The following SMYD3 variants were observed in gnomAD, a reference collection of about 807,000 sequenced individuals.
SMYD3 encodes SET and MYND domain containing 3.
SMYD3 carries 36 observed loss-of-function variants against 57.7 expected under a neutral mutation model. The ratio of observed to expected loss-of-function variants is 0.62; its 90% confidence interval spans 0.48 to 0.82. SMYD3 has a LOEUF of 0.82. Ranked by LOEUF, SMYD3 falls within the 40% of genes least tolerant of loss-of-function variation. The pLI, the probability that SMYD3 is intolerant of heterozygous loss-of-function variation, is 0.00. For synonymous variants in SMYD3, 211 were observed against 195.0 expected (o/e 1.08, Z -0.68); for missense variants, 515 against 538.8 (o/e 0.96, Z 0.44).
chr1:246,378,805 A>T (rs2066333927), intron 1 of SMYD3, among the ~76,000 whole-genome samples: 1 of 109,328 alleles, frequency 9.1e-6, no homozygotes, highest in South Asian at 2.3e-4. Context: ...ATTTTTATAT[A>T]TTATATATAA....
chr1:245,863,811 T>C lies in SMYD3; in HGVS notation c.889A>G (p.Lys297Glu), dbSNP rs373496834. The C allele has an allele frequency of 1.2e-6, 2 of 1,613,876 alleles. No homozygotes were observed. The highest frequency in any genetic ancestry group is 4.5e-5 in the East Asian group (2 of 44,884). Reference sequence around the variant, plus strand: ...GGCGAAAGGATACTCCAGTGTGCCTTCAGTTCTTCAATTTTTTTCAGGGAT... The same window carrying C: ...GGCGAAAGGATACTCCAGTGTGCCTCCAGTTCTTCAATTTTTTTCAGGGAT... ...QESLKKIEEL[K>E]AHWKWEQVLA... The change falls in exon 9 of 12, where the codon AAG becomes GAG. Residue 297 changes from lysine (K) to glutamate (E), a missense_variant. Lys to Glu is a moderately conservative substitution (Grantham distance 56). Coordinates refer to ENST00000490107, the MANE Select transcript of SMYD3 (RefSeq NM_001167740.2).
intron 10 of SMYD3, 91 bp downstream of exon 10, chr1:245,858,405 A>T (rs1258486473): frequency 1.5e-6 from 2 of 1,301,106 alleles, no homozygotes; most frequent in Non-Finnish European, 1.0e-6. Flanking sequence ...GCTCCATGCA[A>T]AGTAGTAATC....
intron 10 of SMYD3, among the ~76,000 whole-genome samples, chr1:245,810,547 C>T (rs1445385677): frequency 1.3e-5 from 2 of 152,204 alleles, no homozygotes; most frequent in Non-Finnish European, 2.9e-5. Context: ...GTCTCCACTG[C>T]AGCCACGGAG....
chr1:246,001,921 T>G (rs1457279867), intron 5 of SMYD3, among the ~76,000 whole-genome samples: 1 of 152,146 alleles, frequency 6.6e-6, no homozygotes, highest in Admixed American at 6.5e-5. Context: ...TTTGACAGAT[T>G]CTCCGGCCGC....
At chr1:246,106,682 G>A (rs2061128833) in intron 5 of SMYD3, among the ~76,000 whole-genome samples, 2 of 152,132 alleles carry the variant, frequency 1.3e-5, no homozygotes, top group Admixed American at 1.3e-4. Flanking sequence ...GGTTTTCACA[G>A]CACAACTGCC....
intron 10 of SMYD3, among the ~76,000 whole-genome samples, chr1:245,837,965 C>G (rs2050183825): frequency 6.6e-6 from 1 of 152,200 alleles, no homozygotes; most frequent in South Asian, 2.1e-4. Flanking sequence ...CTCTGCAGGG[C>G]AGACATTGAT....
intron 5 of SMYD3, among the ~76,000 whole-genome samples, chr1:245,984,714 T>A (rs895105634): frequency 6.6e-6 from 1 of 152,236 alleles, no homozygotes; most frequent in Non-Finnish European, 1.5e-5. Flanking sequence ...CTGATTATCC[T>A]CTCATCCTAC....
At chr1:245,877,397 G>A (rs2052546019) in intron 8 of SMYD3, among the ~76,000 whole-genome samples, 1 of 152,198 alleles carries the variant, frequency 6.6e-6, no homozygotes, top group Non-Finnish European at 1.5e-5. Flanking sequence ...ATCCTGCATG[G>A]GCAACATGGA....
intron 5 of SMYD3, among the ~76,000 whole-genome samples, chr1:245,962,795 G>C (rs1164373944): frequency 8.0e-6 from 1 of 125,760 alleles, no homozygotes; most frequent in Non-Finnish European, 1.8e-5. Flanking sequence ...CATGTTAATA[G>C]CTTTCACGGG....
intron 1 of SMYD3, among the ~76,000 whole-genome samples, chr1:246,391,222 A>G (rs763173068): frequency 4.7e-5 from 5 of 106,912 alleles, no homozygotes; most frequent in Non-Finnish European, 1.8e-5. Flanking sequence ...TCTATATCTG[A>G]AAAAAAAAAA....
At chr1:246,489,610 ACAT>A (rs1478892351) in intron 1 of SMYD3, among the ~76,000 whole-genome samples, 1 of 152,202 alleles carries the variant, frequency 6.6e-6, no homozygotes, top group African/African-American at 2.4e-5. Context: ...ACATTCTAAA[ACAT>A]CATTAAAAAC....
intron 5 of SMYD3, among the ~76,000 whole-genome samples, chr1:246,048,698 G>A (rs1358780267): frequency 2.0e-5 from 3 of 151,646 alleles, no homozygotes; most frequent in East Asian, 1.9e-4. Context: ...CTCTGGACCC[G>A]TTTCCTCATC....
intron 5 of SMYD3, among the ~76,000 whole-genome samples, chr1:245,963,112 TAAC>T (rs777235266): frequency 1.3e-5 from 2 of 152,196 alleles, no homozygotes; most frequent in East Asian, 1.9e-4. Context: ...CATTCCATCC[TAAC>T]AACAAGTAAA....
chr1:246,183,484 GC>G lies in SMYD3; in HGVS notation c.531+143716del, dbSNP rs1229289064. On this transcript the variant is annotated intron_variant, in intron 5 of 11. Coordinates refer to ENST00000490107, the MANE Select transcript of SMYD3 (RefSeq NM_001167740.2). ...ACTGTCAGAACAAGGTTAAGAAGAAGCAAGGTGAGAAATCAGGGAAAATGCA... is the reference window on the plus strand; with the variant it reads ...ACTGTCAGAACAAGGTTAAGAAGAAGAAGGTGAGAAATCAGGGAAAATGCA... 3.7e-4 allele frequency among the ~76,000 whole-genome samples: 56 copies of G among 151,638 alleles called. 1 individual carries two copies. Among genetic ancestry groups the G allele is most frequent in the African/African-American group, 1.3e-3 (52 of 41,232 alleles).
At chr1:246,470,522 T>A (rs77555884) in intron 1 of SMYD3, among the ~76,000 whole-genome samples, 41,832 of 119,300 alleles carry the variant, frequency 0.35, 6,172 homozygotes, top group African/African-American at 0.41. Context: ...AAAAAAAAAA[T>A]ATATATATAT....
chr1:245,927,909 T>C (rs745543077), intron 7 of SMYD3, 22 bp downstream of exon 7: 2 of 1,592,554 alleles, frequency 1.3e-6, no homozygotes, highest in African/African-American at 1.3e-5. Flanking sequence ...AAGGCCAGGC[T>C]GGGAAGCATG....
rs879521382 is a variant in SMYD3, at chr1:246,470,510, TAA to T, written c.164+36542_164+36543del. 2.5e-3 allele frequency among the ~76,000 whole-genome samples: 310 copies of T among 121,664 alleles called. 2 individuals are homozygous for T. The highest frequency in any genetic ancestry group is 9.4e-3 in the African/African-American group (303 of 32,080). The allele number at this position is 121,664 out of a possible 152,430, so 79.8% of individuals were successfully genotyped here. A position where few individuals can be genotyped will look rare whatever the true frequency, so the allele number is the denominator to read the frequency against. On this transcript the variant is annotated intron_variant, in intron 1 of 11. Transcript: ENST00000490107. ...AATCTGTCTAAAAATAAAAAAAAAT[TAA>T]AAAAAAAAATATATATATATATAAT...
In SMYD3 at chr1:246,094,496, A is replaced by C. The variant is rs140373795; in HGVS notation, c.532-164559T>G. Among the ~76,000 whole-genome samples, 146 of 152,290 alleles carry C rather than the reference A, an allele frequency of 9.6e-4. 1 individual carries two copies. Among genetic ancestry groups the C allele is most frequent in the Non-Finnish European group, 4.9e-4 (33 of 68,022 alleles). ...TTTAAGTTTTGTATCATTATGACTTAGTGTATCTGGATACTTGGGGCTCTC... is the reference window on the plus strand; with the variant it reads ...TTTAAGTTTTGTATCATTATGACTTCGTGTATCTGGATACTTGGGGCTCTC... On this transcript the variant is annotated intron_variant, in intron 5 of 11. Transcript: ENST00000490107.
intron 10 of SMYD3, among the ~76,000 whole-genome samples, chr1:245,817,592 T>C (rs2048926195): frequency 6.6e-6 from 1 of 151,920 alleles, no homozygotes; most frequent in Non-Finnish European, 1.5e-5. Context: ...GACGATCAAA[T>C]TACTCTGAGC....
Sources: allele counts gnomAD v4.1 joint callset (sites outside exome capture counted in the v4.1 genomes callset), GRCh38; gene constraint gnomAD v4.1.1; transcripts MANE v1.5; gene names NCBI Gene and HGNC (gene_info 2026-07-23, HGNC 2026-07-21).